ATAD2B: variants seen among roughly 807,000 people sequenced by gnomAD.
ATAD2B encodes ATPase family AAA domain-containing protein 2B.
In ATAD2B, 40 loss-of-function variants were observed where a neutral mutation model predicts 167.6. The observed-to-expected ratio is 0.24, with a 90% CI of 0.19 to 0.31. The LOEUF (loss-of-function observed/expected upper bound fraction) is 0.31, where lower values mean the gene tolerates loss of function less well. Among genes scored for constraint, ATAD2B ranks in the 10% least tolerant of loss-of-function variants. The pLI, the probability that ATAD2B is intolerant of heterozygous loss-of-function variation, is 1.00. For synonymous variants in ATAD2B, 579 were observed against 596.5 expected, an observed-to-expected ratio of 0.97 and a Z score of 0.43; for missense variants, 1,242 against 1,757.2, an observed-to-expected ratio of 0.71 and a Z score of 5.24.
chr2:23,837,259 A>T (rs553979973), intron 13 of ATAD2B, among the ~76,000 whole-genome samples: 2 of 152,328 alleles, frequency 1.3e-5, no homozygotes, highest in East Asian at 3.9e-4. Context: ...TTGCTCCAAG[A>T]TCGGAGCAGG....
At chr2:23,899,918 CTTTTTTTTTT>C in intron 1 of ATAD2B, among the ~76,000 whole-genome samples, 1 of 83,608 alleles carries the variant, frequency 1.2e-5, no homozygotes, top group Non-Finnish European at 2.3e-5. Context: ...AGTTTTCTTA[CTTTTTTTTTT>C]TTTTTTTTTT....
In ATAD2B at chr2:23,818,208, GGAGAGGGAGGGAGGGAAGAA is replaced by G. The variant is rs1484166962; in HGVS notation, c.2267+1519_2267+1538del. ...GAGACGGAGGGAGGGAAGAAGAGAG[GGAGAGGGAGGGAGGGAAGAA>G]GAGAGGGAGGGAGGGAGGGAAGAAG... On this transcript the variant is annotated intron_variant, in intron 17 of 27. Coordinates refer to ENST00000238789, the MANE Select transcript of ATAD2B (RefSeq NM_017552.4). 5.7e-3 allele frequency among the ~76,000 whole-genome samples: 359 copies of G among 62,622 alleles called. 16 individuals are homozygous for G. Among genetic ancestry groups the G allele is most frequent in the Non-Finnish European group, 8.6e-3 (261 of 30,276 alleles). 41.1% of individuals were successfully genotyped at this position (62,622 alleles called of 152,430 possible).
rs374521897 is a variant in ATAD2B, at chr2:23,758,006, T to A, written c.3490A>T (p.Thr1164Ser). Residue 1164 changes from threonine to serine, a missense_variant, in exon 25 of 28, where the codon ACC (threonine) becomes TCC (serine). By Grantham distance (58) the Thr-to-Ser change is moderately conservative (BLOSUM62 1). Transcript: ENST00000238789. ...TGGTTCTCATAGTCTGCAAATTTGG[T>A]GTCTTCTTCATCTTTTTTTAAATTA... ...VNNLKKDEEDTKFADYENHTE... is the reference protein window; with the variant it reads ...VNNLKKDEEDSKFADYENHTE... 2.0e-4 allele frequency: 315 copies of A among 1,611,708 alleles called. No homozygotes were observed. Among genetic ancestry groups the A allele is most frequent in the Non-Finnish European group, 2.5e-4 (300 of 1,178,972 alleles).
intron 24 of ATAD2B, among the ~76,000 whole-genome samples, chr2:23,760,695 TATATACACAC>T (rs1242011755): frequency 2.6e-5 from 2 of 76,504 alleles, no homozygotes; most frequent in Admixed American, 1.8e-4. Context: ...TAAATTTATA[TATATACACAC>T]ACACACACAC....
At position 23,786,193 on chromosome 2, in the gene ATAD2B, G is replaced by C; in HGVS notation, c.2807C>G (p.Ala936Gly). ...ALCAMEVLPL[A>G]LPSPPRQLSE... The stretch of plus-strand genomic sequence containing the variant: ...TAATTGACGAGGTGGAGAAGGTAGT[G>C]CAAGAGGAAGCACTTCCATAGCACA... Residue 936 changes from alanine (A) to glycine (G), a missense_variant, in exon 21 of 28, where the codon GCA (alanine) becomes GGA (glycine). Coordinates refer to ENST00000238789, the MANE Select transcript of ATAD2B (RefSeq NM_017552.4). The C allele has an allele frequency of 6.3e-7, 1 of 1,586,136 alleles. No homozygotes were observed. The highest frequency in any genetic ancestry group is 2.3e-5 in the East Asian group (1 of 43,840).
At chr2:23,740,519 T>C in the ATAD2B span, among the ~76,000 whole-genome samples, 1 of 152,132 alleles carries the variant, frequency 6.6e-6, no homozygotes, top group African/African-American at 2.4e-5. Context: ...TGCTAAAAAC[T>C]CTCAATAAAT....
intron 24 of ATAD2B, among the ~76,000 whole-genome samples, chr2:23,759,973 T>C (rs190466260): frequency 1.3e-4 from 20 of 152,352 alleles, no homozygotes; most frequent in Non-Finnish European, 2.5e-4. Flanking sequence ...TCTGCAACCA[T>C]GTAACTGAAA....
intron 6 of ATAD2B, among the ~76,000 whole-genome samples, chr2:23,884,135 ACT>A (rs1395792054): frequency 1.5e-4 from 23 of 151,304 alleles, no homozygotes; most frequent in Admixed American, 1.5e-3. Flanking sequence ...CAAGAACAAG[ACT>A]CTGTCTCAAA....
At chr2:23,763,594 G>C (rs535771513) in intron 23 of ATAD2B, among the ~76,000 whole-genome samples, 44 of 152,066 alleles carry the variant, frequency 2.9e-4, no homozygotes, top group Admixed American at 2.3e-3. Flanking sequence ...TAATGTTTTG[G>C]GGTTTTTTTT....
chr2:23,902,780 T>C (rs1558768087), intron 1 of ATAD2B, among the ~76,000 whole-genome samples: 1 of 152,122 alleles, frequency 6.6e-6, no homozygotes. Context: ...TAAGAACTAC[T>C]TGAGGCCAAG....
At chr2:23,706,982 T>G in the ATAD2B span, 1 of 237,652 alleles carries the variant, frequency 4.2e-6, no homozygotes, top group African/African-American at 2.3e-5. Flanking sequence ...AGCTGTTTTT[T>G]CCTTCCTGCA....
Position 23,926,729 on chromosome 2 carries a change from G to C in ATAD2B, c.42C>G (p.Ser14=). ...TRKSSLRLLG[S]KSPGPGPGPG... ...GCCCAGGCCCGGGACCAGGAGACTT[G>C]GACCCGAGAAGGCGGAGAGAGCTCT... The change falls in exon 1 of 28, where the codon TCC becomes TCG. Residue 14 remains serine, a synonymous_variant. Transcript: ENST00000238789. The C allele has an allele frequency of 6.5e-7, 1 of 1,548,802 alleles. No homozygotes were observed.
the ATAD2B span, among the ~76,000 whole-genome samples, chr2:23,698,227 C>A: frequency 1.3e-5 from 2 of 152,034 alleles, no homozygotes; most frequent in Admixed American, 6.6e-5. Context: ...AGATGAAGGA[C>A]AAAAGGGTGC....
intron 13 of ATAD2B, among the ~76,000 whole-genome samples, chr2:23,847,554 C>A (rs1480840677): frequency 6.6e-6 from 1 of 151,740 alleles, no homozygotes; most frequent in Admixed American, 6.6e-5. Flanking sequence ...GTGGCCCCAG[C>A]TATTTGGGAG....
chr2:23,886,582 A>G lies in ATAD2B; in HGVS notation c.573-753T>C, dbSNP rs537364849. Among the ~76,000 whole-genome samples the G allele has an allele frequency of 1.1e-4, 16 of 152,326 alleles. No individual in the cohort carries two copies. In the South Asian group the frequency reaches 2.9e-3, roughly 28 times the overall value. On this transcript the variant is annotated intron_variant, in intron 4 of 27. Transcript: ENST00000238789. ...AATTTGTAAAAAGTTTAAAGCCAATATAAGGTTTACTGGAAAGACTCTTTT... is the reference window on the plus strand; with the variant it reads ...AATTTGTAAAAAGTTTAAAGCCAATGTAAGGTTTACTGGAAAGACTCTTTT...
chr2:23,684,002 A>G, the ATAD2B span, among the ~76,000 whole-genome samples: 1 of 152,182 alleles, frequency 6.6e-6, no homozygotes, highest in African/African-American at 2.4e-5. This position sits in a 1 kb window ranked among gnomAD's most constrained non-coding sequence, Gnocchi z 4.4. Flanking sequence ...GGTCTCCAAT[A>G]CATCGGCACC....
chr2:23,772,033 T>C (rs1329601726), intron 22 of ATAD2B, among the ~76,000 whole-genome samples: 1 of 152,222 alleles, frequency 6.6e-6, no homozygotes, highest in Non-Finnish European at 1.5e-5. Context: ...GCAACCACAC[T>C]ACTCCTCTTA....
intron 1 of ATAD2B, among the ~76,000 whole-genome samples, chr2:23,914,021 CACTT>C (rs1226910643): frequency 6.6e-6 from 1 of 152,104 alleles, no homozygotes; most frequent in Non-Finnish European, 1.5e-5. Context: ...GTAATCCCAA[CACTT>C]CACGAGGCCA....
chr2:23,830,419 T>C (rs76146814), intron 14 of ATAD2B, among the ~76,000 whole-genome samples: 3,776 of 152,304 alleles, frequency 0.025, 157 homozygotes, highest in African/African-American at 0.086. Flanking sequence ...TTTTTAAAAA[T>C]TGAGTATGCT....
Sources: allele counts gnomAD v4.1 joint callset (sites outside exome capture counted in the v4.1 genomes callset), GRCh38; gene constraint gnomAD v4.1.1; non-coding constraint Gnocchi (gnomAD v3.1); transcripts MANE v1.5; gene names NCBI Gene and HGNC (gene_info 2026-07-23, HGNC 2026-07-21).